The following SLC38A8 variants were observed in gnomAD, a reference collection of about 807,000 sequenced individuals.
The protein encoded by SLC38A8 is amino acid transporter SLC38A8.
A neutral mutation model predicts 46.0 loss-of-function variants in SLC38A8; 65 were observed. The ratio of observed to expected loss-of-function variants is 1.41; its 90% CI spans 1.16 to 1.74. SLC38A8 has a LOEUF of 1.74. Among genes scored for constraint, SLC38A8 ranks in the 40% most tolerant of loss-of-function variants. SLC38A8 has a pLI of 0.00. For missense variants in SLC38A8, 998 were observed against 567.9 expected (o/e 1.76, Z -7.70); for synonymous variants, 447 against 243.7 (o/e 1.83, Z -7.77).
In SLC38A8 at chr16:84,033,187, T is replaced by G. The variant is rs577962139; in HGVS notation, c.530+141A>C. ...GTTTTGCATCATGCATACATTTTAC[T>G]TGTATAATTTTTTTTTCGTTTTCCC... On this transcript the variant is annotated intron_variant, in intron 4 of 10. Coordinates refer to ENST00000299709, the MANE Select transcript of SLC38A8 (RefSeq NM_001080442.3). 1.3e-4 allele frequency: 148 copies of G among 1,115,056 alleles called. No homozygotes were observed. The African/African-American group carries it at 1.7e-3, about 13-fold the overall frequency. The allele number at this position is 1,115,056 out of a possible 1,614,324, so 69.1% of individuals were successfully genotyped here.
At position 84,029,091 on chromosome 16, in the gene SLC38A8, C is replaced by T. The variant is rs150911689; in HGVS notation, c.690+403G>A. On this transcript the variant is annotated intron_variant, in intron 6 of 10. Coordinates refer to ENST00000299709, the MANE Select transcript of SLC38A8 (RefSeq NM_001080442.3). ...TCCTGCCCAAGGCCCTGGGCAGAGT[C>T]CACCTGGGTAAAACTGTCCTGCCAG... 4.7e-4 allele frequency among the ~76,000 whole-genome samples: 71 copies of T among 152,290 alleles called. No individual in the cohort carries two copies. The East Asian group carries it at 8.5e-3, about 18-fold the overall frequency.
chr16:84,015,575 G>C (rs951518378), intron 9 of SLC38A8, among the ~76,000 whole-genome samples: 1 of 620 alleles, frequency 1.6e-3, no homozygotes, highest in African/African-American at 0.02. Context: ...CTGTGCCCCC[G>C]GCGGGGGTTC....
At chr16:84,029,573 A>T (rs763429254) in intron 5 of SLC38A8, 22 bp from the exon 6 acceptor site, 1 of 1,613,182 alleles carries the variant, frequency 6.2e-7, no homozygotes, top group Non-Finnish European at 8.5e-7. Context: ...CAAGAACAGG[A>T]GTTTATTAAA....
chr16:84,024,020 C>T (rs1313850248), intron 6 of SLC38A8, among the ~76,000 whole-genome samples: 5 of 152,232 alleles, frequency 3.3e-5, no homozygotes, highest in Admixed American at 2.6e-4. Context: ...TGTGGGTTAA[C>T]TCTTGGCAGC....
chr16:84,012,569 G>A (rs946290162), intron 10 of SLC38A8, among the ~76,000 whole-genome samples: 1 of 152,192 alleles, frequency 6.6e-6, no homozygotes, highest in Non-Finnish European at 1.5e-5. Context: ...CATGTAAAAG[G>A]ACCTAGCTCA....
Position 84,017,183 on chromosome 16 carries a change from C to G in SLC38A8, c.910G>C (p.Val304Leu), listed in dbSNP as rs1300809767. Residue 304 changes from valine (V) to leucine (L), a missense_variant, in exon 8 of 11, where the codon GTC becomes CTC. By Grantham distance (32) the Val-to-Leu change is conservative (BLOSUM62 1). Coordinates refer to ENST00000299709, the MANE Select transcript of SLC38A8 (RefSeq NM_001080442.3). ...ATGGGGTAGACAGTTACGATGGAGA[C>G]AGCAAAAAGGACCCGGGCCACAATG... ...VIIVARVLFA[V>L]SIVTVYPIVL... is the part of the protein sequence containing the mutation. 1.2e-6 allele frequency: 2 copies of G among 1,614,094 alleles called. No individual in the cohort carries two copies. The highest frequency in any genetic ancestry group is 3.3e-5 in the Admixed American group (2 of 60,000).
intron 10 of SLC38A8, 89 bp downstream of exon 10, chr16:84,012,912 T>C: frequency 7.1e-7 from 1 of 1,400,858 alleles, no homozygotes; most frequent in South Asian, 1.2e-5. Context: ...ATGCAGAGGA[T>C]GAGAAATAGG....
At chr16:84,025,852 A>G (rs1266248003) in intron 6 of SLC38A8, among the ~76,000 whole-genome samples, 2 of 152,150 alleles carry the variant, frequency 1.3e-5, no homozygotes, top group Non-Finnish European at 2.9e-5. Context: ...GGCACCGCGC[A>G]CCCCTGCTCT....
chr16:84,032,242 G>A (rs1429038333), intron 4 of SLC38A8, among the ~76,000 whole-genome samples: 3 of 152,190 alleles, frequency 2.0e-5, no homozygotes, highest in African/African-American at 7.2e-5. Context: ...AGGCTGGAGT[G>A]CAGTGGCGCA....
chr16:84,017,002 C>T, intron 8 of SLC38A8, 138 bp downstream of exon 8: 4 of 1,270,250 alleles, frequency 3.1e-6, no homozygotes, highest in Non-Finnish European at 4.3e-6. Context: ...CCTAAATCCT[C>T]TGTGCCTGTT....
intron 2 of SLC38A8, among the ~76,000 whole-genome samples, chr16:84,038,524 C>G (rs1416608093): frequency 6.6e-6 from 1 of 152,202 alleles, no homozygotes; most frequent in Non-Finnish European, 1.5e-5. Flanking sequence ...CTGGAATACT[C>G]TGGCGTGCCT....
intron 4 of SLC38A8, 125 bp from the exon 5 acceptor site, chr16:84,032,093 C>T: frequency 1.3e-6 from 1 of 795,544 alleles, no homozygotes. Context: ...AGCTGTCCAC[C>T]TCTGCCTCAC....
At position 84,037,590 on chromosome 16, in the gene SLC38A8, G is replaced by T. The variant is rs546270075; in HGVS notation, c.190-690C>A. 1.9e-3 allele frequency among the ~76,000 whole-genome samples: 283 copies of T among 151,476 alleles called. 2 individuals are homozygous for T. Among genetic ancestry groups the T allele is most frequent in the Non-Finnish European group, 6.3e-4 (43 of 67,764 alleles). ...AGCCTGGCCAACATGGAGAAACCCT[G>T]TCCCTACTAAAAATACAAAAATTAG... On this transcript the variant is annotated intron_variant, in intron 2 of 10. Coordinates refer to ENST00000299709, the MANE Select transcript of SLC38A8 (RefSeq NM_001080442.3).
chr16:84,027,020 G>A (rs925236201), intron 6 of SLC38A8, among the ~76,000 whole-genome samples: 1 of 152,076 alleles, frequency 6.6e-6, no homozygotes, highest in Non-Finnish European at 1.5e-5. Flanking sequence ...TGAATGGCAC[G>A]GTATATGCAT....
chr16:84,029,126 G>A (rs2085205351), intron 6 of SLC38A8, among the ~76,000 whole-genome samples: 1 of 152,138 alleles, frequency 6.6e-6, no homozygotes, highest in Non-Finnish European at 1.5e-5. Context: ...GAGTTAGGTG[G>A]GCAGCTTAGG....
At chr16:84,025,517 A>C (rs1284676825) in intron 6 of SLC38A8, among the ~76,000 whole-genome samples, 2 of 152,158 alleles carry the variant, frequency 1.3e-5, no homozygotes, top group Non-Finnish European at 2.9e-5. Context: ...CCACACGACA[A>C]CAACGACCAA....
At position 84,033,266 on chromosome 16, in the gene SLC38A8, A is replaced by C. The variant is rs544466910; in HGVS notation, c.530+62T>G. On this transcript the variant is annotated intron_variant, in intron 4 of 10. Transcript: ENST00000299709. ...AGCTCCTCTGACCCCAGATGGACAG[A>C]AACCCTGACACAAACACTCAGCAAG... 3.7e-6 allele frequency: 6 copies of C among 1,610,442 alleles called. No homozygotes were observed. The African/African-American group carries it at 6.7e-5, about 18-fold the overall frequency.
chr16:84,028,236 A>G (rs1160310754), intron 6 of SLC38A8, among the ~76,000 whole-genome samples: 2 of 152,184 alleles, frequency 1.3e-5, no homozygotes, highest in East Asian at 3.9e-4. Flanking sequence ...TGCTGGTGGT[A>G]GGCAGTGGAT....
At chr16:84,042,820 C>G (rs554471853), upstream of SLC38A8, among the ~76,000 whole-genome samples, 30 of 152,316 alleles carry the variant, frequency 2.0e-4, no homozygotes, top group South Asian at 2.1e-3. Context: ...CTGACCTGAG[C>G]AAGGAAGGCT....
Sources: gnomAD v4.1 joint callset for allele counts (sites outside exome capture counted in the v4.1 genomes callset) on GRCh38, gnomAD v4.1.1 for gene constraint, MANE v1.5 for transcripts, NCBI Gene and HGNC (gene_info 2026-07-23, HGNC 2026-07-21) for gene names.